Variants in PDE5A observed in about 807,000 individuals in gnomAD.
PDE5A encodes the protein phosphodiesterase 5A.
In PDE5A, 67 loss-of-function variants were observed where a neutral mutation model predicts 110.2. The ratio of observed to expected loss-of-function variants is 0.61; its 90% CI spans 0.50 to 0.75. The LOEUF is 0.75. Among genes scored for constraint, PDE5A ranks in the 30% least tolerant of loss-of-function variants. PDE5A has a pLI of 0.00. For missense variants in PDE5A, 862 were observed against 1,045.1 expected (o/e 0.82, Z 2.42); for synonymous variants, 328 against 351.2 (o/e 0.93, Z 0.74).
intron 14 of PDE5A, among the ~76,000 whole-genome samples, chr4:119,513,124 A>G (rs994724825): frequency 1.3e-5 from 2 of 152,102 alleles, no homozygotes; most frequent in Non-Finnish European, 2.9e-5. Context: ...AACAGACTTC[A>G]TGCAAGTACC....
intron 1 of PDE5A, among the ~76,000 whole-genome samples, chr4:119,619,511 G>A (rs1017748115): frequency 1.3e-5 from 2 of 152,168 alleles, no homozygotes; most frequent in Middle Eastern, 3.2e-3. Flanking sequence ...TCCCATTCCA[G>A]TTCCCTTTCC....
At chr4:119,616,507 T>A (rs1729948212) in intron 1 of PDE5A, among the ~76,000 whole-genome samples, 1 of 152,162 alleles carries the variant, frequency 6.6e-6, no homozygotes, top group African/African-American at 2.4e-5. Context: ...AATAATGATT[T>A]AATATAAAAA....
chr4:119,525,647 A>G lies in PDE5A; in HGVS notation c.1681T>C (p.Phe561Leu), dbSNP rs1258330089. 1.2e-6 allele frequency: 2 copies of G among 1,613,212 alleles called. No individual in the cohort carries two copies. Among genetic ancestry groups the G allele is most frequent in the African/African-American group, 2.7e-5 (2 of 74,860 alleles). Residue 561 changes from phenylalanine to leucine, a missense_variant, in exon 12 of 21, where the codon TTC becomes CTC. Phe to Leu is a conservative substitution (Grantham distance 22). Transcript: ENST00000354960. The surrounding 1 kb of genome is among the most constrained non-coding windows in gnomAD (Gnocchi z 4.3). Reference protein sequence around the residue: ...AQTLKITDFSFSDFELSDLET... With the variant: ...AQTLKITDFSLSDFELSDLET... ...AGATCAGACAGCTCAAAGTCACTGA[A>G]GCTAAAGTCAGTAATTTTAAGGGTC...
At chr4:119,595,708 TA>T (rs997096099) in intron 3 of PDE5A, among the ~76,000 whole-genome samples, 7 of 152,216 alleles carry the variant, frequency 4.6e-5, no homozygotes, top group African/African-American at 1.7e-4. Flanking sequence ...CAGACTGAAT[TA>T]CACCACAGGT....
chr4:119,575,651 C>T (rs1184173192), intron 3 of PDE5A, among the ~76,000 whole-genome samples: 1 of 152,160 alleles, frequency 6.6e-6, no homozygotes, highest in African/African-American at 2.4e-5. Context: ...GATTTTGTCA[C>T]CACCAGGCCT....
chr4:119,597,614 A>G (rs1729196858), intron 2 of PDE5A, among the ~76,000 whole-genome samples: 1 of 152,160 alleles, frequency 6.6e-6, no homozygotes, highest in Non-Finnish European at 1.5e-5. Context: ...GCTTAATCTA[A>G]TAATAGCATC....
intron 3 of PDE5A, 69 bp from the exon 4 acceptor site, chr4:119,567,213 G>T: frequency 8.6e-7 from 1 of 1,161,218 alleles, no homozygotes; most frequent in African/African-American, 1.5e-5. Flanking sequence ...TCACCAAAAT[G>T]TATTTATAGA....
intron 11 of PDE5A, among the ~76,000 whole-genome samples, chr4:119,535,452 A>C (rs1726696957): frequency 6.6e-6 from 1 of 152,168 alleles, no homozygotes; most frequent in Admixed American, 6.5e-5. Flanking sequence ...TACAGAAGGC[A>C]AAAAAGGCTG....
chr4:119,496,604 A>T lies in PDE5A; in HGVS notation c.*1997T>A, dbSNP rs1055709635. On this transcript the variant is annotated 3_prime_UTR_variant, in exon 21 of 21. Coordinates refer to ENST00000354960, the MANE Select transcript of PDE5A (RefSeq NM_001083.4). ...AGGGGACCAAACAAACTACTAAAGC[A>T]TAAGTACATATTTTAGCATAACTGC... The T allele has an allele frequency of 6.6e-6, 1 of 152,626 alleles. No homozygotes were observed. The highest frequency in any genetic ancestry group is 2.4e-5 in the African/African-American group (1 of 41,462). The allele number at this position is 152,626 out of a possible 1,614,324, so 9.5% of individuals were successfully genotyped here. A position where few individuals can be genotyped will look rare whatever the true frequency, so the allele number is the denominator to read the frequency against.
In PDE5A at chr4:119,519,080, C is replaced by T; in HGVS notation, c.1965G>A (p.Leu655=). 3 of 1,613,742 alleles carry T rather than the reference C, an allele frequency of 1.9e-6. No individual in the cohort carries two copies. Among genetic ancestry groups the T allele is most frequent in the Non-Finnish European group, 2.5e-6 (3 of 1,179,692 alleles). ...AAGAGTTATTCACACCACGGTGATC[C>T]AAATCGTGGCTTAGTGCAGCAATCA... ...ALLIAALSHD[L]DHRGVNNSYI... Residue 655 remains leucine (L), a synonymous_variant, in exon 14 of 21, where the codon TTG becomes TTA. Transcript: ENST00000354960.
chr4:119,503,374 TAGAG>T (rs1187460420), intron 18 of PDE5A, among the ~76,000 whole-genome samples: 1 of 152,150 alleles, frequency 6.6e-6, no homozygotes, highest in Non-Finnish European at 1.5e-5. Context: ...AGCAGTTACT[TAGAG>T]GGAAGGATTT....
chr4:119,534,477 A>C (rs1266972035), intron 11 of PDE5A, among the ~76,000 whole-genome samples: 2 of 152,094 alleles, frequency 1.3e-5, no homozygotes, highest in Non-Finnish European at 2.9e-5. Context: ...TCCCAAAACT[A>C]TTCCCATACT....
rs1725049293 is a variant in PDE5A, at chr4:119,495,997, A to T, written c.*2604T>A. 1 of 152,110 alleles carries T rather than the reference A, an allele frequency of 6.6e-6. No individual in the cohort carries two copies. Among genetic ancestry groups the T allele is most frequent in the Non-Finnish European group, 1.5e-5 (1 of 68,026 alleles). 9.4% of individuals were successfully genotyped at this position (152,110 alleles called of 1,614,324 possible). A position where few individuals can be genotyped will look rare whatever the true frequency, so the allele number is the denominator to read the frequency against. ...GCTTTGCCCAAACATAACTCCTTTT[A>T]AAAAAGCACAACTTGTTTAGGCACA... On this transcript the variant is annotated 3_prime_UTR_variant, in exon 21 of 21. Coordinates refer to ENST00000354960, the MANE Select transcript of PDE5A (RefSeq NM_001083.4).
rs113868297 is a variant in PDE5A, at chr4:119,503,253, A to G, written c.2332-598T>C. On this transcript the variant is annotated intron_variant, in intron 18 of 20. Coordinates refer to ENST00000354960, the MANE Select transcript of PDE5A (RefSeq NM_001083.4). ...GGCTGTCAACAATCCTAAATAGCAT[A>G]TTTATTACGGACTCAAAATGAAATC... Among the ~76,000 whole-genome samples the G allele has an allele frequency of 6.1e-3, 931 of 152,260 alleles. 11 individuals carry two copies. Among genetic ancestry groups the G allele is most frequent in the African/African-American group, 0.021 (858 of 41,552 alleles).
Position 119,607,252 on chromosome 4 carries a change from A to C in PDE5A, c.198T>G (p.Pro66=). 1 of 1,613,480 alleles carries C rather than the reference A, an allele frequency of 6.2e-7. No homozygotes were observed. Among genetic ancestry groups the C allele is most frequent in the Non-Finnish European group, 8.5e-7 (1 of 1,179,960 alleles). ...AWFAERVHTI[P]VCKEGIRGHT... ...GGCCTCTGATACCTTCCTTGCACAC[A>C]GGGATGGTGTGAACTCTCTCAGCAA... Residue 66 remains proline (P), a synonymous_variant, in exon 2 of 21, where the codon CCT becomes CCG. Transcript: ENST00000354960.
intron 3 of PDE5A, among the ~76,000 whole-genome samples, chr4:119,580,023 G>T (rs75978835): frequency 6.6e-6 from 1 of 152,260 alleles, no homozygotes; most frequent in Admixed American, 6.5e-5. Context: ...TAGGGAGGAC[G>T]TCGCTCCCCA....
At chr4:119,539,160 C>T in intron 10 of PDE5A, 141 bp from the exon 11 acceptor site, 1 of 692,170 alleles carries the variant, frequency 1.4e-6, no homozygotes, top group Non-Finnish European at 2.6e-6. Flanking sequence ...TTGCTGTTTT[C>T]TTCAACAGTG....
chr4:119,585,622 A>C (rs914346399), intron 3 of PDE5A, among the ~76,000 whole-genome samples: 2 of 152,206 alleles, frequency 1.3e-5, no homozygotes, highest in African/African-American at 4.8e-5. Flanking sequence ...CTATATAATA[A>C]ATAATGAAAG....
At chr4:119,529,871 G>A (rs923345634) in intron 11 of PDE5A, among the ~76,000 whole-genome samples, 2 of 152,088 alleles carry the variant, frequency 1.3e-5, no homozygotes, top group African/African-American at 4.8e-5. Flanking sequence ...GAGGGGATCC[G>A]TTTCCATTAG....
Sources: allele counts gnomAD v4.1 joint callset (sites outside exome capture counted in the v4.1 genomes callset), GRCh38; gene constraint gnomAD v4.1.1; non-coding constraint Gnocchi (gnomAD v3.1); transcripts MANE v1.5; gene names NCBI Gene and HGNC (gene_info 2026-07-23, HGNC 2026-07-21).